SIPA1L1: variants seen among roughly 807,000 people sequenced by gnomAD.
The protein encoded by SIPA1L1 is signal-induced proliferation-associated 1-like protein 1.
In SIPA1L1, 26 loss-of-function variants were observed where a neutral mutation model predicts 162.7. The observed-to-expected ratio is 0.16, with a 90% CI of 0.12 to 0.22. The LOEUF (loss-of-function observed/expected upper bound fraction) is 0.22. Among genes scored for constraint, SIPA1L1 ranks in the 10% least tolerant of loss-of-function variants. The pLI is 1.00. For missense variants in SIPA1L1, 1,874 were observed against 2,241.0 expected (o/e 0.84, Z 3.31); for synonymous variants, 829 against 837.4 (o/e 0.99, Z 0.17).
At chr14:71,537,431 C>T (rs1187208666) in intron 4 of SIPA1L1, among the ~76,000 whole-genome samples, 2 of 152,118 alleles carry the variant, frequency 1.3e-5, no homozygotes, top group Non-Finnish European at 2.9e-5. Flanking sequence ...TCTCGGACTC[C>T]TGACCTCAGG....
chr14:71,735,349 A>C lies in SIPA1L1; in HGVS notation c.5081A>C (p.Gln1694Pro), dbSNP rs1465749126. 2 of 1,614,068 alleles carry C rather than the reference A, an allele frequency of 1.2e-6. No individual in the cohort carries two copies. Among genetic ancestry groups the C allele is most frequent in the Non-Finnish European group, 1.7e-6 (2 of 1,180,018 alleles). ...RPLSAASNSD[Q>P]LEDQALAQMK... ...TTGAGTGCTGCATCCAACAGTGATC[A>C]GCTGGAGGACCAGGCTCTGGCCCAG... The change falls in exon 22 of 24, where the codon CAG becomes CCG. Residue 1694 changes from glutamine (Q) to proline (P), a missense_variant. This residue lies in a region of SIPA1L1 where 936 missense variants were observed against 1,051.9 expected (regional missense o/e 0.89). Transcript: ENST00000381232.
At chr14:71,650,588 A>G in intron 8 of SIPA1L1, 79 bp downstream of exon 8, 2 of 1,354,042 alleles carry the variant, frequency 1.5e-6, no homozygotes, top group Non-Finnish European at 2.1e-6. Flanking sequence ...TTATCCGTAA[A>G]GCAACATTGC....
At chr14:71,383,666 G>A (rs2040088739) in intron 2 of SIPA1L1, among the ~76,000 whole-genome samples, 1 of 152,172 alleles carries the variant, frequency 6.6e-6, no homozygotes, top group Non-Finnish European at 1.5e-5. Flanking sequence ...GAAAGGGAGA[G>A]GGAGGAGAAG....
intron 22 of SIPA1L1, among the ~76,000 whole-genome samples, chr14:71,737,990 G>A (rs532622340): frequency 6.6e-5 from 10 of 152,250 alleles, no homozygotes; most frequent in East Asian, 3.9e-4. Context: ...TTCTTTAGTC[G>A]TGAGGATGCA....
At chr14:71,417,499 A>AAAAAG (rs2042884397) in intron 2 of SIPA1L1, among the ~76,000 whole-genome samples, 19 of 146,846 alleles carry the variant, frequency 1.3e-4, no homozygotes, top group Non-Finnish European at 1.1e-4. Flanking sequence ...AAAAAAAAAA[A>AAAAAG]AAAAGAAAAT....
At chr14:71,390,562 G>A (rs2040664476) in intron 2 of SIPA1L1, among the ~76,000 whole-genome samples, 1 of 152,096 alleles carries the variant, frequency 6.6e-6, no homozygotes, top group Non-Finnish European at 1.5e-5. Context: ...GATCATTTGA[G>A]CTCAGGAGTT....
At chr14:71,628,382 G>A (rs941784292) in intron 7 of SIPA1L1, among the ~76,000 whole-genome samples, 4 of 152,268 alleles carry the variant, frequency 2.6e-5, no homozygotes, top group Non-Finnish European at 2.9e-5. Context: ...GTGATAAAAC[G>A]TTGAAGAAAT....
chr14:71,737,626 A>G, intron 22 of SIPA1L1, among the ~76,000 whole-genome samples: 1 of 152,184 alleles, frequency 6.6e-6, no homozygotes, highest in East Asian at 1.9e-4. Context: ...TGCCATAAAC[A>G]AAAGAAAACA....
chr14:71,698,544 CAAAG>C (rs966485077), intron 13 of SIPA1L1, among the ~76,000 whole-genome samples: 40 of 152,034 alleles, frequency 2.6e-4, no homozygotes, highest in African/African-American at 7.7e-4. Flanking sequence ...AATTGGAAAA[CAAAG>C]AAGCATACAA....
chr14:71,540,937 G>A, intron 4 of SIPA1L1, among the ~76,000 whole-genome samples: 2 of 152,078 alleles, frequency 1.3e-5, no homozygotes, highest in East Asian at 1.9e-4. Flanking sequence ...GACCAGCCTG[G>A]CCAACATGGT....
intron 4 of SIPA1L1, among the ~76,000 whole-genome samples, chr14:71,548,487 T>G (rs1392329014): frequency 6.6e-6 from 1 of 152,164 alleles, no homozygotes; most frequent in Non-Finnish European, 1.5e-5. Context: ...ACGTGTGCCT[T>G]AAAAATGTAG....
intron 3 of SIPA1L1, among the ~76,000 whole-genome samples, chr14:71,518,793 G>T (rs1464171986): frequency 2.6e-5 from 4 of 151,940 alleles, no homozygotes; most frequent in African/African-American, 9.7e-5. Flanking sequence ...TTTTCATGCT[G>T]CTGATAAAGA....
At chr14:71,453,919 G>T (rs185701289) in intron 2 of SIPA1L1, among the ~76,000 whole-genome samples, 2 of 146,702 alleles carry the variant, frequency 1.4e-5, no homozygotes, top group East Asian at 4.2e-4. Context: ...GCTTGAACCT[G>T]GGAGGCAAAA....
At chr14:71,494,260 T>G (rs962990800) in intron 2 of SIPA1L1, among the ~76,000 whole-genome samples, 3 of 152,214 alleles carry the variant, frequency 2.0e-5, no homozygotes, top group Non-Finnish European at 2.9e-5. Flanking sequence ...TTGTTCAGGC[T>G]GAGGAAGTTC....
chr14:71,544,138 T>TAC (rs1218276042), intron 4 of SIPA1L1, among the ~76,000 whole-genome samples: 14 of 150,856 alleles, frequency 9.3e-5, no homozygotes, highest in Non-Finnish European at 1.5e-4. Flanking sequence ...TGTATGTATA[T>TAC]ACATATATGC....
chr14:71,322,667 A>T (rs1413167632), intron 2 of SIPA1L1, among the ~76,000 whole-genome samples: 1 of 152,250 alleles, frequency 6.6e-6, no homozygotes, highest in Non-Finnish European at 1.5e-5. Context: ...GATTGTTTCC[A>T]CATAAATGGT....
At chr14:71,617,028 A>G (rs754258351) in intron 5 of SIPA1L1, among the ~76,000 whole-genome samples, 34 of 152,318 alleles carry the variant, frequency 2.2e-4, no homozygotes, top group Non-Finnish European at 3.1e-4. Flanking sequence ...ACTCTGATGC[A>G]TCTACTGTTG....
intron 4 of SIPA1L1, among the ~76,000 whole-genome samples, chr14:71,581,654 A>G (rs547704702): frequency 6.6e-6 from 1 of 152,178 alleles, no homozygotes; most frequent in African/African-American, 2.4e-5. Context: ...AATGTATGAC[A>G]GTTGTATTTT....
chr14:71,461,816 T>G (rs2046623068), intron 2 of SIPA1L1, among the ~76,000 whole-genome samples: 1 of 152,150 alleles, frequency 6.6e-6, no homozygotes, highest in African/African-American at 2.4e-5. Flanking sequence ...GCTGTCCACT[T>G]TTGGGTGGTG....
Sources: gnomAD v4.1 joint callset for allele counts (sites outside exome capture counted in the v4.1 genomes callset) on GRCh38, gnomAD v4.1.1 for gene constraint, gnomAD v4.1.1 regional missense constraint, MANE v1.5 for transcripts, NCBI Gene and HGNC (gene_info 2026-07-23, HGNC 2026-07-21) for gene names.